ITFG1: variants seen among roughly 807,000 people sequenced by gnomAD.
ITFG1 encodes integrin alpha FG-GAP repeat containing 1.
ITFG1 carries 34 observed loss-of-function variants against 81.8 expected under a neutral mutation model. The ratio of observed to expected loss-of-function variants is 0.42; its 90% CI spans 0.32 to 0.55. The LOEUF is 0.55. Among genes scored for constraint, ITFG1 ranks in the 20% least tolerant of loss-of-function variants. The pLI, the probability that ITFG1 is intolerant of heterozygous loss-of-function variation, is 0.17. For missense variants in ITFG1, 672 were observed against 755.4 expected, an observed-to-expected ratio of 0.89 and a Z score of 1.29; for synonymous variants, 285 against 270.6, an observed-to-expected ratio of 1.05 and a Z score of -0.52.
chr16:47,349,330 A>G (rs1270186633), intron 8 of ITFG1, among the ~76,000 whole-genome samples: 1 of 151,872 alleles, frequency 6.6e-6, no homozygotes, highest in Non-Finnish European at 1.5e-5. Flanking sequence ...ATGTGCAGAG[A>G]CACACATAGG....
chr16:47,295,026 G>C (rs1179925485), intron 10 of ITFG1, among the ~76,000 whole-genome samples: 1 of 152,006 alleles, frequency 6.6e-6, no homozygotes, highest in Non-Finnish European at 1.5e-5. Context: ...TTATTTTGTG[G>C]CATGCTCACT....
At chr16:47,415,000 T>A (rs1968856500) in intron 6 of ITFG1, among the ~76,000 whole-genome samples, 2 of 152,192 alleles carry the variant, frequency 1.3e-5, no homozygotes, top group Admixed American at 1.3e-4. Context: ...ACTGGGTGCC[T>A]GCATGAATAT....
intron 8 of ITFG1, among the ~76,000 whole-genome samples, chr16:47,319,036 C>T (rs2151567676): frequency 6.6e-6 from 1 of 152,206 alleles, no homozygotes; most frequent in South Asian, 2.1e-4. Context: ...TAATTAAAAC[C>T]ATTGGTCTAT....
At chr16:47,265,809 T>C (rs993080661) in intron 10 of ITFG1, among the ~76,000 whole-genome samples, 1 of 152,128 alleles carries the variant, frequency 6.6e-6, no homozygotes, top group Non-Finnish European at 1.5e-5. Flanking sequence ...AAGCCATACG[T>C]TGTGAGATTG....
intron 14 of ITFG1, among the ~76,000 whole-genome samples, chr16:47,179,287 T>C (rs538863840): frequency 1.3e-5 from 2 of 152,228 alleles, no homozygotes; most frequent in Admixed American, 6.5e-5. Context: ...CATATGTTTA[T>C]TGCGGCATTA....
At chr16:47,258,574 A>G (rs899602562) in intron 12 of ITFG1, 58 bp downstream of exon 12, 2 of 799,292 alleles carry the variant, frequency 2.5e-6, no homozygotes, top group Admixed American at 2.1e-5. Context: ...GCTCTTTGGA[A>G]TATGTGGAGA....
rs12599047 is a variant in ITFG1, at chr16:47,237,761, G to T, written c.1374+204C>A. Among the ~76,000 whole-genome samples, 431 of 152,162 alleles carry T rather than the reference G, an allele frequency of 2.8e-3. 1 individual carries two copies. Among genetic ancestry groups the T allele is most frequent in the Non-Finnish European group, 4.5e-3 (307 of 67,990 alleles). On this transcript the variant is annotated intron_variant, in intron 13 of 17. Transcript: ENST00000320640. ...CATTCTGCTAAGGATATCAGAAAAG[G>T]CTTCATAAAGACGACCGTTCAGGTA...
chr16:47,232,251 TACATAG>T (rs1420665628), intron 13 of ITFG1, among the ~76,000 whole-genome samples: 1 of 152,236 alleles, frequency 6.6e-6, no homozygotes, highest in East Asian at 1.9e-4. Flanking sequence ...ATAGGAAACT[TACATAG>T]GTTAGTTTTA....
intron 12 of ITFG1, among the ~76,000 whole-genome samples, chr16:47,245,986 C>T (rs1178557652): frequency 6.6e-6 from 1 of 152,076 alleles, no homozygotes; most frequent in Non-Finnish European, 1.5e-5. Flanking sequence ...CATTATCCTA[C>T]GATGATAGGA....
intron 10 of ITFG1, among the ~76,000 whole-genome samples, chr16:47,284,057 G>A (rs897468472): frequency 2.0e-5 from 3 of 152,206 alleles, no homozygotes; most frequent in African/African-American, 4.8e-5. Flanking sequence ...AATCTGTAGA[G>A]ACAGAAAATG....
intron 12 of ITFG1, among the ~76,000 whole-genome samples, chr16:47,258,084 A>G (rs1966160351): frequency 6.6e-6 from 1 of 152,216 alleles, no homozygotes; most frequent in Non-Finnish European, 1.5e-5. Flanking sequence ...TGAATTACAA[A>G]GGGGAAAACA....
At chr16:47,348,415 A>G (rs1033793041) in intron 8 of ITFG1, among the ~76,000 whole-genome samples, 3 of 152,264 alleles carry the variant, frequency 2.0e-5, no homozygotes, top group Admixed American at 6.5e-5. Context: ...TGACAAATGC[A>G]TAAGCTTCAA....
chr16:47,421,719 T>C (rs1017587693), intron 6 of ITFG1, among the ~76,000 whole-genome samples: 4 of 152,262 alleles, frequency 2.6e-5, no homozygotes, highest in Non-Finnish European at 5.9e-5. Context: ...AGGGTACATG[T>C]GCACAACGTG....
chr16:47,285,193 T>A (rs1966865169), intron 10 of ITFG1, among the ~76,000 whole-genome samples: 1 of 152,022 alleles, frequency 6.6e-6, no homozygotes. Flanking sequence ...GACACTCCCA[T>A]GAGAGAGTCC....
At position 47,318,433 on chromosome 16, in the gene ITFG1, ACAAT is replaced by A. The variant is rs942637143; in HGVS notation, c.803-4614_803-4611del. ...TGTTTCCAATCTTTTGATAATCCAA[ACAAT>A]CCAACAATGAATAATTTTGTATAAT... On this transcript the variant is annotated intron_variant, in intron 8 of 17. Transcript: ENST00000320640. 4.5e-3 allele frequency among the ~76,000 whole-genome samples: 683 copies of A among 152,334 alleles called. 3 individuals carry two copies. The highest frequency in any genetic ancestry group is 0.016 in the African/African-American group (659 of 41,582).
At chr16:47,207,637 G>A (rs1965517118) in intron 14 of ITFG1, among the ~76,000 whole-genome samples, 1 of 152,144 alleles carries the variant, frequency 6.6e-6, no homozygotes, top group Non-Finnish European at 1.5e-5. Flanking sequence ...GCAGCAAAGG[G>A]GCCCGTATAA....
chr16:47,346,553 G>A (rs1967857719), intron 8 of ITFG1, among the ~76,000 whole-genome samples: 1 of 152,116 alleles, frequency 6.6e-6, no homozygotes, highest in Admixed American at 6.6e-5. Context: ...GAAACAAAGA[G>A]AATACTTAAA....
chr16:47,203,475 G>C (rs145202958), intron 14 of ITFG1, among the ~76,000 whole-genome samples: 3 of 152,184 alleles, frequency 2.0e-5, no homozygotes, highest in Non-Finnish European at 4.4e-5. Flanking sequence ...TGTAGAATCA[G>C]TGGGAGCCCT....
At chr16:47,222,899 T>C (rs143903657) in intron 13 of ITFG1, among the ~76,000 whole-genome samples, 1 of 152,084 alleles carries the variant, frequency 6.6e-6, no homozygotes, top group South Asian at 2.1e-4. Flanking sequence ...GGGTGGAGAG[T>C]TCTGTAGATG....
Sources: allele counts gnomAD v4.1 joint callset (sites outside exome capture counted in the v4.1 genomes callset), GRCh38; gene constraint gnomAD v4.1.1; transcripts MANE v1.5; gene names NCBI Gene and HGNC (gene_info 2026-07-23, HGNC 2026-07-21).